Variants in HTR2C observed in about 807,000 individuals in gnomAD.
The protein encoded by HTR2C is 5-hydroxytryptamine receptor 2C, also known as 5-hydroxytryptamine (serotonin) receptor 2C, G protein-coupled.
A neutral mutation model predicts 21.0 loss-of-function variants in HTR2C; 5 were observed. That is an observed-to-expected ratio of 0.24 (90% confidence interval 0.12 to 0.50). HTR2C has a LOEUF of 0.50. Ranked by LOEUF, HTR2C falls within the 20% of genes least tolerant of loss-of-function variation. HTR2C has a pLI of 0.98. For missense variants in HTR2C, 271 were observed against 371.2 expected (o/e 0.73, Z 2.22); for synonymous variants, 150 against 145.3 (o/e 1.03, Z -0.23).
intron 2 of HTR2C, among the ~76,000 whole-genome samples, chrX:114,683,532 C>T (rs1556413815): frequency 9.0e-6 from 1 of 111,261 alleles, no homozygotes; most frequent in Non-Finnish European, 1.9e-5. Flanking sequence ...CACCTGTAAT[C>T]CCAGCATTTT....
At chrX:114,796,766 C>T in intron 4 of HTR2C, among the ~76,000 whole-genome samples, 1 of 111,499 alleles carries the variant, frequency 9.0e-6, no homozygotes, top group East Asian at 2.8e-4. Context: ...ATCTTCTTGA[C>T]TCAGTACCTT....
chrX:114,676,844 A>G (rs1931579884), intron 2 of HTR2C, among the ~76,000 whole-genome samples: 1 of 112,177 alleles, frequency 8.9e-6, no homozygotes, highest in Non-Finnish European at 1.9e-5. Flanking sequence ...GCCAAAAACT[A>G]TTCGGATAAC....
intron 4 of HTR2C, among the ~76,000 whole-genome samples, chrX:114,742,376 C>T (rs900159817): frequency 2.7e-5 from 3 of 111,185 alleles, no homozygotes; most frequent in African/African-American, 9.8e-5. Flanking sequence ...AGACCATGCC[C>T]TGAATGACAT....
At chrX:114,726,096 G>A (rs782524807) in intron 2 of HTR2C, among the ~76,000 whole-genome samples, 63 of 112,138 alleles carry the variant, frequency 5.6e-4, no homozygotes, top group African/African-American at 1.9e-3. Context: ...GGGCAATGGC[G>A]GGCGCCCCTC....
In HTR2C at chrX:114,909,267, A is replaced by G. The variant is rs782529264; in HGVS notation, c.*1852A>G. On this transcript the variant is annotated 3_prime_UTR_variant, in exon 6 of 6. Coordinates refer to ENST00000276198, the MANE Select transcript of HTR2C (RefSeq NM_000868.4). ...AAATAATTATATGAAGCAGAATGAG[A>G]TGATTTAATTCTTACCGAAATGAAA... 8.9e-6 allele frequency: 1 copy of G among 112,796 alleles called. No homozygotes were observed. Among genetic ancestry groups the G allele is most frequent in the African/African-American group, 3.2e-5 (1 of 31,040 alleles). 9.3% of individuals were successfully genotyped at this position (112,796 alleles called of 1,213,427 possible). A position where few individuals can be genotyped will look rare whatever the true frequency, so the allele number is the denominator to read the frequency against.
At chrX:114,883,797 A>G (rs1182551300) in intron 5 of HTR2C, among the ~76,000 whole-genome samples, 5 of 110,699 alleles carry the variant, frequency 4.5e-5, no homozygotes, top group African/African-American at 1.3e-4. Context: ...AACACTTAAA[A>G]TCTACTCTCT....
At chrX:114,591,481 C>T (rs1416387208) in intron 1 of HTR2C, among the ~76,000 whole-genome samples, 1 of 111,729 alleles carries the variant, frequency 9.0e-6, no homozygotes, top group African/African-American at 3.2e-5. Flanking sequence ...ATGACTTGCT[C>T]TCCAAAGTAT....
rs782812832 is a variant in HTR2C, at chrX:114,876,142, C to G, written c.550+27939C>G. Among the ~76,000 whole-genome samples, 42 of 109,485 alleles carry G rather than the reference C, an allele frequency of 3.8e-4. No homozygotes were observed. In the South Asian group the frequency reaches 0.015, roughly 40 times the overall value. ...TTCACTTCCTCGGTTAAATTTATTC[C>G]TAAATATTTTATTCTTTTTTATTCT... On this transcript the variant is annotated intron_variant, in intron 5 of 5. Transcript: ENST00000276198.
intron 4 of HTR2C, among the ~76,000 whole-genome samples, chrX:114,778,054 G>A (rs1485373951): frequency 8.9e-6 from 1 of 111,828 alleles, no homozygotes; most frequent in African/African-American, 3.3e-5. Context: ...GTCATTGTAC[G>A]AGTTAGTATC....
chrX:114,871,807 G>GTTTT (rs35528456), intron 5 of HTR2C, among the ~76,000 whole-genome samples: 1 of 97,481 alleles, frequency 1.0e-5, no homozygotes, highest in African/African-American at 3.8e-5. Flanking sequence ...TTAGTGGAAA[G>GTTTT]TTTTTTTTTT....
chrX:114,824,772 T>A (rs1390818603), intron 4 of HTR2C, among the ~76,000 whole-genome samples: 1 of 112,048 alleles, frequency 8.9e-6, no homozygotes. Flanking sequence ...CAGGCTGATT[T>A]AGGGTTTGGG....
At chrX:114,613,144 G>A (rs912046640) in intron 1 of HTR2C, among the ~76,000 whole-genome samples, 2 of 109,824 alleles carry the variant, frequency 1.8e-5, no homozygotes, top group Non-Finnish European at 3.8e-5. Context: ...TGATCATGTT[G>A]GCCAGGCTCG....
intron 1 of HTR2C, among the ~76,000 whole-genome samples, chrX:114,594,814 TTTC>T (rs1168912177): frequency 9.0e-6 from 1 of 111,373 alleles, no homozygotes; most frequent in Non-Finnish European, 1.9e-5. Context: ...TTTTTAAAAT[TTTC>T]TTCATTTCCT....
At chrX:114,656,609 A>C (rs1476541346) in intron 2 of HTR2C, among the ~76,000 whole-genome samples, 1 of 111,330 alleles carries the variant, frequency 9.0e-6, no homozygotes. Flanking sequence ...TTGCTTAGAA[A>C]GAGCTTACTA....
chrX:114,866,844 T>C (rs1401381158), intron 5 of HTR2C, among the ~76,000 whole-genome samples: 1 of 112,169 alleles, frequency 8.9e-6, no homozygotes, highest in African/African-American at 3.2e-5. Context: ...CATTCTTTTT[T>C]TGTGGCTGAA....
intron 2 of HTR2C, among the ~76,000 whole-genome samples, chrX:114,713,369 TTTTA>T (rs1226956525): frequency 8.9e-6 from 1 of 111,893 alleles, no homozygotes; most frequent in African/African-American, 3.2e-5. Flanking sequence ...CATATTCAAA[TTTTA>T]TTTATAGTCT....
chrX:114,883,776 T>C (rs2071200391), intron 5 of HTR2C, among the ~76,000 whole-genome samples: 2 of 110,783 alleles, frequency 1.8e-5, no homozygotes, highest in East Asian at 5.6e-4. Context: ...ACATATCCTT[T>C]TTGTGGTGAG....
At chrX:114,593,611 A>G (rs1393221117) in intron 1 of HTR2C, among the ~76,000 whole-genome samples, 1 of 111,355 alleles carries the variant, frequency 9.0e-6, no homozygotes, top group Non-Finnish European at 1.9e-5. Flanking sequence ...GCTTCTCTCA[A>G]CATATATTTG....
At chrX:114,900,263 C>T (rs1786419465) in intron 5 of HTR2C, 1 of 143,685 alleles carries the variant, frequency 7.0e-6, no homozygotes, top group African/African-American at 3.1e-5. Flanking sequence ...TACTATTAAA[C>T]TTAAAAGGCT....
Sources: gnomAD v4.1 joint callset for allele counts (sites outside exome capture counted in the v4.1 genomes callset) on GRCh38, gnomAD v4.1.1 for gene constraint, MANE v1.5 for transcripts, NCBI Gene and HGNC (gene_info 2026-07-23, HGNC 2026-07-21) for gene names.